Variants in TNRC18 observed in about 807,000 individuals in gnomAD.
The protein encoded by TNRC18 is trinucleotide repeat containing 18, also known as trinucleotide repeat-containing gene 18 protein.
A neutral mutation model predicts 226.7 loss-of-function variants in TNRC18; 69 were observed. The observed-to-expected ratio is 0.30, with a 90% CI of 0.25 to 0.37. TNRC18 has a LOEUF of 0.37. Among genes scored for constraint, TNRC18 ranks in the 10% least tolerant of loss-of-function variants. The pLI is 1.00. For missense variants in TNRC18, 4,754 were observed against 4,256.6 expected (o/e 1.12, Z -3.25); for synonymous variants, 2,449 against 1,927.6 (o/e 1.27, Z -7.09).
intron 18 of TNRC18, among the ~76,000 whole-genome samples, chr7:5,336,028 A>G (rs10250082): frequency 0.048 from 7,226 of 151,778 alleles, 523 homozygotes; most frequent in African/African-American, 0.16. Context: ...CCAACATGGC[A>G]AAACCCCATC....
At chr7:5,376,253 C>T (rs1225136468) in intron 8 of TNRC18, 29 bp from the exon 9 acceptor site, 4 of 1,439,286 alleles carry the variant, frequency 2.8e-6, no homozygotes, top group Non-Finnish European at 3.6e-6. Flanking sequence ...TGCGCTGCAC[C>T]TGCGGCCTGA....
At position 5,370,700 on chromosome 7, in the gene TNRC18, C is replaced by T. The variant is rs1366303303; in HGVS notation, c.3894G>A (p.Val1298=). 1.9e-6 allele frequency: 3 copies of T among 1,610,676 alleles called. No individual in the cohort carries two copies. Among genetic ancestry groups the T allele is most frequent in the South Asian group, 1.1e-5 (1 of 90,632 alleles). Residue 1298 remains valine, a synonymous_variant, in exon 11 of 30, where the codon GTG becomes GTA. Transcript: ENST00000430969. ...QPTLEMSDCD[V]PAGEGQCPSL... is the part of the protein sequence containing the mutation. ...TCGGGCACTGTCCCTCCCCGGCGGG[C>T]ACGTCACAGTCTGACATTTCTAGGG...
At chr7:5,390,404 G>A (rs1369287363) in intron 4 of TNRC18, 81 bp downstream of exon 4, 21 of 1,494,546 alleles carry the variant, frequency 1.4e-5, no homozygotes, top group Non-Finnish European at 1.8e-5. Context: ...CAGAGCTGGG[G>A]GCTACCTGGA....
chr7:5,385,850 G>T (rs1779735810), intron 5 of TNRC18, among the ~76,000 whole-genome samples: 1 of 151,356 alleles, frequency 6.6e-6, no homozygotes, highest in Non-Finnish European at 1.5e-5. Flanking sequence ...GGGCATGGTG[G>T]CGTGCACCTA....
chr7:5,342,214 A>G (rs1320668866), intron 18 of TNRC18, among the ~76,000 whole-genome samples: 1 of 152,206 alleles, frequency 6.6e-6, no homozygotes, highest in Non-Finnish European at 1.5e-5. Flanking sequence ...GGATCATTTG[A>G]GGCCAGGAGT....
chr7:5,331,908 T>C (rs1789563218), intron 19 of TNRC18, among the ~76,000 whole-genome samples: 1 of 152,066 alleles, frequency 6.6e-6, no homozygotes, highest in African/African-American at 2.4e-5. Flanking sequence ...AGACTCTGTC[T>C]CTAAAATATA....
At chr7:5,316,779 G>A (rs530909726) in intron 24 of TNRC18, among the ~76,000 whole-genome samples, 1 of 152,340 alleles carries the variant, frequency 6.6e-6, no homozygotes, top group African/African-American at 2.4e-5. Context: ...GGATGAACGT[G>A]CAGGAACGGG....
Position 5,377,047 on chromosome 7 carries a change from T to A in TNRC18, c.2462-54A>T. The A allele has an allele frequency of 6.5e-7, 1 of 1,535,590 alleles. No individual in the cohort carries two copies. The highest frequency in any genetic ancestry group is 8.7e-7 in the Non-Finnish European group (1 of 1,143,508). On this transcript the variant is annotated intron_variant, in intron 7 of 29. Transcript: ENST00000430969. The surrounding 1 kb of genome is among the most constrained non-coding windows in gnomAD (Gnocchi z 5.8). ...GTGCTGGGAGCCCCCAAGCGGTTTGTCCTCGGGCAGCCCCAGCCCAGCACC... is the reference window on the plus strand; with the variant it reads ...GTGCTGGGAGCCCCCAAGCGGTTTGACCTCGGGCAGCCCCAGCCCAGCACC...
rs755270426 is a variant in TNRC18, at chr7:5,320,964, C to G, written c.6560+109G>C. 3 of 817,722 alleles carry G rather than the reference C, an allele frequency of 3.7e-6. No homozygotes were observed. The African/African-American group carries it at 5.1e-5, about 14-fold the overall frequency. 50.7% of individuals were successfully genotyped at this position (817,722 alleles called of 1,614,324 possible). On this transcript the variant is annotated intron_variant, in intron 22 of 29. Coordinates refer to ENST00000430969, the MANE Select transcript of TNRC18 (RefSeq NM_001080495.3). ...CACTCATGCCCCTGCCCTGTGCCAT[C>G]GGGGGAAACCACAGCCCAGAAAGGA...
In TNRC18 at chr7:5,387,693, G is replaced by A. The variant is rs1459734881; in HGVS notation, c.2131C>T (p.Leu711=). The change falls in exon 5 of 30, where the codon CTG becomes TTG. Residue 711 remains leucine (L), a synonymous_variant. Transcript: ENST00000430969. ...CTACCTTTGACGTTACTCAGCGACA[G>A]AGAGCGCTCCTGGTCTACCAGCCCA... ...GPGLVDQERS[L]SLSNVKGHGR... 2 of 1,604,992 alleles carry A rather than the reference G, an allele frequency of 1.2e-6. No homozygotes were observed. The highest frequency in any genetic ancestry group is 1.1e-5 in the South Asian group (1 of 91,090).
intron 25 of TNRC18, 144 bp from the exon 26 acceptor site, chr7:5,315,292 G>C: frequency 6.0e-6 from 5 of 830,454 alleles, no homozygotes; most frequent in Non-Finnish European, 7.2e-6. Flanking sequence ...TCCCATGACA[G>C]GCTGTGAGGT....
chr7:5,343,308 C>G (rs1486308405), intron 18 of TNRC18, among the ~76,000 whole-genome samples: 1 of 152,144 alleles, frequency 6.6e-6, no homozygotes, highest in Non-Finnish European at 1.5e-5. Context: ...GAGCAGAGAT[C>G]ACGCCACTAC....
intron 11 of TNRC18, among the ~76,000 whole-genome samples, chr7:5,364,983 T>G (rs536009519): frequency 6.6e-6 from 1 of 151,942 alleles, no homozygotes; most frequent in East Asian, 1.9e-4. Context: ...GCCAGCAATT[T>G]TAAATGGCCA....
chr7:5,414,648 G>T (rs991151940), intron 2 of TNRC18, among the ~76,000 whole-genome samples: 7 of 152,036 alleles, frequency 4.6e-5, no homozygotes, highest in Admixed American at 1.3e-4. Context: ...TCCTGACCTC[G>T]TGATCCACCC....
In TNRC18 at chr7:5,349,587, G is replaced by A. The variant is rs188106595; in HGVS notation, c.5470+2232C>T. Among the ~76,000 whole-genome samples the A allele has an allele frequency of 2.6e-3, 398 of 152,300 alleles. 2 individuals are homozygous for A. The highest frequency in any genetic ancestry group is 9.2e-3 in the African/African-American group (384 of 41,572). The stretch of plus-strand genomic sequence containing the variant: ...GTGCACGGAGGACAGAAAGAAAAGC[G>A]TTTTGCCTACCTACGGAGCAACGAG... On this transcript the variant is annotated intron_variant, in intron 17 of 29. Transcript: ENST00000430969.
At chr7:5,342,587 T>C (rs1790795898) in intron 18 of TNRC18, among the ~76,000 whole-genome samples, 1 of 152,210 alleles carries the variant, frequency 6.6e-6, no homozygotes, top group Admixed American at 6.5e-5. Context: ...ATTGTTGCAA[T>C]GTCATGAGAC....
chr7:5,362,550 C>G, intron 12 of TNRC18, 100 bp downstream of exon 12: 11 of 1,218,252 alleles, frequency 9.0e-6, no homozygotes, highest in Non-Finnish European at 1.2e-5. Context: ...CTCTCTGGCG[C>G]CAAAGCCAGC....
rs553720562 is a variant in TNRC18, at chr7:5,346,911, T to C, written c.5471-1101A>G. 4.6e-5 allele frequency among the ~76,000 whole-genome samples: 7 copies of C among 152,202 alleles called. No individual in the cohort carries two copies. The South Asian group carries it at 8.3e-4, about 18-fold the overall frequency. On this transcript the variant is annotated intron_variant, in intron 17 of 29. Coordinates refer to ENST00000430969, the MANE Select transcript of TNRC18 (RefSeq NM_001080495.3). ...GCAGGCAGGAACTGTGCTGTCCCCA[T>C]GCCCAGGGAGCTAAAGTCAGCTGTG...
intron 16 of TNRC18, among the ~76,000 whole-genome samples, 175 bp from the exon 17 acceptor site, chr7:5,352,269 G>C (rs1791909497): frequency 1.3e-5 from 2 of 152,234 alleles, no homozygotes; most frequent in Non-Finnish European, 2.9e-5. Context: ...TCCCCTCCCA[G>C]TCCAGGCTTC....
Sources: allele counts gnomAD v4.1 joint callset (sites outside exome capture counted in the v4.1 genomes callset), GRCh38; gene constraint gnomAD v4.1.1; non-coding constraint Gnocchi (gnomAD v3.1); transcripts MANE v1.5; gene names NCBI Gene and HGNC (gene_info 2026-07-23, HGNC 2026-07-21).